DRC2: variants seen among roughly 807,000 people sequenced by gnomAD.
The protein encoded by DRC2 is coiled-coil domain containing 65.
chr12:48,918,367 T>C, the DRC2 span: 6 of 1,614,070 alleles, frequency 3.7e-6, no homozygotes, highest in Admixed American at 8.3e-5. Context: ...AGAATTACAC[T>C]GATGCCACAG....
the DRC2 span, among the ~76,000 whole-genome samples, chr12:48,919,496 CT>C: frequency 1.3e-5 from 2 of 150,602 alleles, no homozygotes; most frequent in Admixed American, 1.3e-4. Context: ...CTGCGTTGAG[CT>C]CCCCCTTACA....
chr12:48,906,037 C>T, the DRC2 span, among the ~76,000 whole-genome samples: 3 of 152,194 alleles, frequency 2.0e-5, no homozygotes, highest in African/African-American at 2.4e-5. Flanking sequence ...TCCCAAAGTG[C>T]TGGGATTACA....
chr12:48,917,131 C>T, the DRC2 span: 5 of 1,612,618 alleles, frequency 3.1e-6, no homozygotes, highest in Non-Finnish European at 4.2e-6. Flanking sequence ...AGTAGATAGG[C>T]AAGAAGTGGG....
At chr12:48,921,313 G>A in the DRC2 span, 1 of 1,614,162 alleles carries the variant, frequency 6.2e-7, no homozygotes, top group Non-Finnish European at 8.5e-7. Context: ...TACTTGGATG[G>A]CATCTCAGTG....
At chr12:48,909,373 C>T in the DRC2 span, among the ~76,000 whole-genome samples, 1 of 152,204 alleles carries the variant, frequency 6.6e-6, no homozygotes, top group African/African-American at 2.4e-5. Context: ...CATAGCCAGC[C>T]TTGTTTCTTA....
At chr12:48,918,734 G>A in the DRC2 span, 1 of 1,614,014 alleles carries the variant, frequency 6.2e-7, no homozygotes, top group Non-Finnish European at 8.5e-7. Flanking sequence ...AGCCGTGAGA[G>A]TGAAGATGAG....
the DRC2 span, chr12:48,914,448 T>C: frequency 6.2e-7 from 1 of 1,614,158 alleles, no homozygotes; most frequent in East Asian, 2.2e-5. Context: ...AGTACGCCCA[T>C]GCCCTGCGCA....
the DRC2 span, among the ~76,000 whole-genome samples, chr12:48,920,046 G>A: frequency 7.4e-5 from 11 of 148,740 alleles, no homozygotes; most frequent in South Asian, 1.1e-3. Flanking sequence ...CTGGGACATC[G>A]CGGCTGCAGT....
chr12:48,915,783 C>A, the DRC2 span, among the ~76,000 whole-genome samples: 1 of 149,940 alleles, frequency 6.7e-6, no homozygotes, highest in Non-Finnish European at 1.5e-5. Context: ...GGGGGCTGAC[C>A]CCCCCACCTC....
At chr12:48,912,260 C>T in the DRC2 span, among the ~76,000 whole-genome samples, 10 of 151,228 alleles carry the variant, frequency 6.6e-5, no homozygotes, top group Non-Finnish European at 1.2e-4. Flanking sequence ...GACTCCATCT[C>T]TCTACTAAAA....
At chr12:48,913,475 G>C in the DRC2 span, among the ~76,000 whole-genome samples, 2 of 150,040 alleles carry the variant, frequency 1.3e-5, no homozygotes, top group African/African-American at 4.9e-5. Flanking sequence ...GCTAACTTTT[G>C]TATTTTTATT....
chr12:48,921,378 A>C, the DRC2 span: 1 of 1,614,172 alleles, frequency 6.2e-7, no homozygotes, highest in Non-Finnish European at 8.5e-7. Context: ...CTATCAAAGC[A>C]ACTTACTCCA....
chr12:48,908,592 ATTATTATTATTATTAT>A, the DRC2 span, among the ~76,000 whole-genome samples: 34 of 121,808 alleles, frequency 2.8e-4, no homozygotes, highest in African/African-American at 9.1e-4. Context: ...TATTATTATT[ATTATTATTATTATTAT>A]TTATTTATTT....
chr12:48,904,253 T>C, the DRC2 span: 4 of 1,516,190 alleles, frequency 2.6e-6, no homozygotes, highest in Admixed American at 8.8e-5. Flanking sequence ...GAAGTCCCCT[T>C]TCTAGGGACA....
chr12:48,918,152 T>C, the DRC2 span: 1 of 878,950 alleles, frequency 1.1e-6, no homozygotes, highest in African/African-American at 1.7e-5. Context: ...GTAGGCATTT[T>C]CATGGGAGAC....
At chr12:48,906,456 G>C in the DRC2 span, among the ~76,000 whole-genome samples, 3 of 151,726 alleles carry the variant, frequency 2.0e-5, no homozygotes, top group Admixed American at 1.3e-4. Context: ...CACTAATTTT[G>C]TATTTTTAGT....
chr12:48,919,382 A>G, the DRC2 span, among the ~76,000 whole-genome samples: 1 of 151,314 alleles, frequency 6.6e-6, no homozygotes, highest in Non-Finnish European at 1.5e-5. Flanking sequence ...TATTTTTTGT[A>G]GAGATGGGGT....
the DRC2 span, chr12:48,918,338 A>C: frequency 1.2e-6 from 2 of 1,614,212 alleles, no homozygotes; most frequent in Non-Finnish European, 1.7e-6. Context: ...TCTGTGGAGA[A>C]AGTTCCAGGA....
the DRC2 span, among the ~76,000 whole-genome samples, chr12:48,906,329 G>A: frequency 6.8e-6 from 1 of 147,898 alleles, no homozygotes; most frequent in African/African-American, 2.5e-5. Context: ...TTGAGGCAGA[G>A]TTTCACTCCT....
Sources: gnomAD v4.1 joint callset for allele counts (sites outside exome capture counted in the v4.1 genomes callset) on GRCh38, gnomAD v4.1.1 for gene constraint, MANE v1.5 for transcripts, NCBI Gene and HGNC (gene_info 2026-07-23, HGNC 2026-07-21) for gene names.